Variants in TMEM123 observed in about 807,000 individuals in gnomAD.
TMEM123 encodes the protein transmembrane protein 123.
Under a neutral mutation model 19.7 loss-of-function variants are expected in TMEM123, and 16 were observed. The ratio of observed to expected loss-of-function variants is 0.81; its 90% CI spans 0.55 to 1.23. The LOEUF (loss-of-function observed/expected upper bound fraction) is 1.23. TMEM123 is among the 50% of genes most tolerant of loss of function. The pLI, the probability that TMEM123 is intolerant of heterozygous loss-of-function variation, is 0.00. For missense variants in TMEM123, 313 were observed against 257.8 expected (o/e 1.21, Z -1.47); for synonymous variants, 118 against 99.4 (o/e 1.19, Z -1.12).
Position 102,426,020 on chromosome 11 carries a change from C to G in TMEM123, c.157+22792G>C, listed in dbSNP as rs867571629. Among the ~76,000 whole-genome samples the G allele has an allele frequency of 4.5e-4, 68 of 152,194 alleles. 1 individual carries two copies. The highest frequency in any genetic ancestry group is 1.6e-3 in the African/African-American group (68 of 41,438). ...CTTTCCAATTAAATTTTAAGCACCTCATGGTGATATTTATGTCATGTCTCT... is the reference window on the plus strand; with the variant it reads ...CTTTCCAATTAAATTTTAAGCACCTGATGGTGATATTTATGTCATGTCTCT... On this transcript the variant is annotated intron_variant, in intron 2 of 4. Transcript: ENST00000398136.
intron 2 of TMEM123, among the ~76,000 whole-genome samples, chr11:102,421,822 A>C (rs1210087817): frequency 6.6e-6 from 1 of 152,198 alleles, no homozygotes; most frequent in Non-Finnish European, 1.5e-5. Flanking sequence ...GATGCTTTTC[A>C]TATTTTTAAT....
intron 2 of TMEM123, chr11:102,448,209 CTTAAAAA>C (rs1304243213): frequency 2.2e-6 from 1 of 455,938 alleles, no homozygotes; most frequent in Middle Eastern, 3.3e-4. Context: ...GAGAAGATAA[CTTAAAAA>C]TTGTTTACAA....
At chr11:102,411,803 T>C (rs1952007539) in intron 2 of TMEM123, among the ~76,000 whole-genome samples, 1 of 152,240 alleles carries the variant, frequency 6.6e-6, no homozygotes, top group African/African-American at 2.4e-5. Flanking sequence ...GTCTTATATT[T>C]TCATTTCATT....
At chr11:102,411,419 A>T (rs542844849) in intron 2 of TMEM123, among the ~76,000 whole-genome samples, 7 of 152,178 alleles carry the variant, frequency 4.6e-5, no homozygotes, top group Non-Finnish European at 1.0e-4. Context: ...AAACCAATAA[A>T]TGTAAATAAA....
At chr11:102,444,078 A>T (rs1857856489) in intron 2 of TMEM123, among the ~76,000 whole-genome samples, 1 of 152,216 alleles carries the variant, frequency 6.6e-6, no homozygotes, top group Admixed American at 6.5e-5. Flanking sequence ...GAGACATAGG[A>T]ACACTTTTAC....
intron 2 of TMEM123, among the ~76,000 whole-genome samples, chr11:102,443,268 G>C (rs945237541): frequency 6.6e-6 from 1 of 152,188 alleles, no homozygotes; most frequent in African/African-American, 2.4e-5. Flanking sequence ...AATAAAGCTG[G>C]AGGCATCATG....
rs565190850 is a variant in TMEM123, at chr11:102,450,994, TTA to T, written c.100+1528_100+1529del. Among the ~76,000 whole-genome samples the T allele has an allele frequency of 4.6e-5, 7 of 152,330 alleles. No homozygotes were observed. In the East Asian group the frequency reaches 1.3e-3, roughly 29 times the overall value. ...CTTTTAGTCTAGTTGCAAGGTGACA[TTA>T]TATAGTCTGTAGAAACAGATTCCAC... On this transcript the variant is annotated intron_variant, in intron 1 of 4. Coordinates refer to ENST00000398136, the MANE Select transcript of TMEM123 (RefSeq NM_052932.3).
At chr11:102,452,450 C>T (rs936338429) in intron 1 of TMEM123, 74 bp downstream of exon 1, 3 of 1,273,178 alleles carry the variant, frequency 2.4e-6, no homozygotes, top group Non-Finnish European at 3.1e-6. Context: ...GTACCAGAGC[C>T]CAACTTGGGA....
At chr11:102,417,051 A>G (rs1952048678) in intron 2 of TMEM123, among the ~76,000 whole-genome samples, 1 of 152,206 alleles carries the variant, frequency 6.6e-6, no homozygotes, top group Non-Finnish European at 1.5e-5. Context: ...AGTGGCCAAA[A>G]GCTGGAAGCA....
At chr11:102,409,180 G>C (rs551482587) in intron 2 of TMEM123, among the ~76,000 whole-genome samples, 41 of 152,114 alleles carry the variant, frequency 2.7e-4, no homozygotes, top group Non-Finnish European at 4.6e-4. Flanking sequence ...TGGGACAGTA[G>C]CAGCTTTTCA....
intron 2 of TMEM123, among the ~76,000 whole-genome samples, chr11:102,431,545 T>TC (rs1857709811): frequency 2.0e-5 from 3 of 152,290 alleles, no homozygotes; most frequent in South Asian, 2.1e-4. Context: ...CTCCCCTTTT[T>TC]CCCCACCCTG....
rs1951870119 is a variant in TMEM123 at position 102,397,751 on chromosome 11, C to T, written c.*1116G>A. ...TTTCCCCAAATCTGAGTAATATCGACAGTGCATGAAAGAAAATATAGCATT... is the reference window on the plus strand; with the variant it reads ...TTTCCCCAAATCTGAGTAATATCGATAGTGCATGAAAGAAAATATAGCATT... On this transcript the variant is annotated 3_prime_UTR_variant, in exon 5 of 5. Transcript: ENST00000398136. 6.6e-6 allele frequency: 1 copy of T among 152,136 alleles called. No individual in the cohort carries two copies. Among genetic ancestry groups the T allele is most frequent in the Non-Finnish European group, 1.5e-5 (1 of 68,000 alleles). 9.4% of individuals were successfully genotyped at this position (152,136 alleles called of 1,614,324 possible). A position where few individuals can be genotyped will look rare whatever the true frequency, so the allele number is the denominator to read the frequency against.
chr11:102,419,753 T>C (rs904085151), intron 2 of TMEM123, among the ~76,000 whole-genome samples: 1 of 152,214 alleles, frequency 6.6e-6, no homozygotes, highest in Non-Finnish European at 1.5e-5. Flanking sequence ...CACAAATTAT[T>C]AGTGTGGATT....
chr11:102,401,449 C>A, intron 4 of TMEM123, 90 bp downstream of exon 4: 1 of 1,222,906 alleles, frequency 8.2e-7, no homozygotes. Flanking sequence ...ATTATTCATC[C>A]CTGAGATGAG....
chr11:102,439,324 T>C (rs549975711), intron 2 of TMEM123, among the ~76,000 whole-genome samples: 1 of 151,882 alleles, frequency 6.6e-6, no homozygotes, highest in African/African-American at 2.4e-5. Context: ...CCGAGAAGCC[T>C]AACTGGGAGA....
intron 2 of TMEM123, among the ~76,000 whole-genome samples, chr11:102,424,325 G>C (rs1398484074): frequency 6.6e-6 from 1 of 152,188 alleles, no homozygotes; most frequent in East Asian, 1.9e-4. Flanking sequence ...TTATAAAGCA[G>C]TGAATACTTT....
intron 2 of TMEM123, among the ~76,000 whole-genome samples, chr11:102,442,464 G>C (rs1214526641): frequency 2.0e-5 from 3 of 152,182 alleles, no homozygotes; most frequent in East Asian, 1.9e-4. Flanking sequence ...AATCTGAATA[G>C]ATGCAGAAAA....
intron 2 of TMEM123, among the ~76,000 whole-genome samples, chr11:102,430,976 T>C (rs545452081): frequency 3.9e-5 from 6 of 152,318 alleles, no homozygotes; most frequent in African/African-American, 1.4e-4. Flanking sequence ...GTGAAAAAAG[T>C]AGTCAAACCA....
chr11:102,437,142 G>A (rs1179852324), intron 2 of TMEM123, among the ~76,000 whole-genome samples: 3 of 151,424 alleles, frequency 2.0e-5, no homozygotes, highest in Non-Finnish European at 4.4e-5. Flanking sequence ...TTTTCAGTTT[G>A]TGTACTTTCC....
Sources: gnomAD v4.1 joint callset for allele counts (sites outside exome capture counted in the v4.1 genomes callset) on GRCh38, gnomAD v4.1.1 for gene constraint, MANE v1.5 for transcripts, NCBI Gene and HGNC (gene_info 2026-07-23, HGNC 2026-07-21) for gene names.